The following FOXN3 variants were observed in gnomAD, a reference collection of about 807,000 sequenced individuals.
The protein encoded by FOXN3 is forkhead box protein N3.
Under a neutral mutation model 38.4 loss-of-function variants are expected in FOXN3, and 7 were observed. That is an observed-to-expected ratio of 0.18 (90% CI 0.10 to 0.34). The LOEUF (loss-of-function observed/expected upper bound fraction) is 0.34, where lower values mean the gene tolerates loss of function less well. Among genes scored for constraint, FOXN3 ranks in the 10% least tolerant of loss-of-function variants. The pLI is 1.00. For missense variants in FOXN3, 456 were observed against 613.4 expected (o/e 0.74, Z 2.71); for synonymous variants, 230 against 242.2 (o/e 0.95, Z 0.47).
At chr14:89,202,360 T>C (rs1390155766) in intron 4 of FOXN3, among the ~76,000 whole-genome samples, 2 of 152,254 alleles carry the variant, frequency 1.3e-5, no homozygotes. Flanking sequence ...TTCTACCATA[T>C]TGAATCACAC....
intron 1 of FOXN3, among the ~76,000 whole-genome samples, chr14:89,448,240 T>A (rs1043268663): frequency 6.6e-6 from 1 of 152,148 alleles, no homozygotes; most frequent in African/African-American, 2.4e-5. Flanking sequence ...TCCAAATGAA[T>A]GTATTGATCA....
chr14:89,191,396 C>T (rs1596090925), intron 4 of FOXN3, among the ~76,000 whole-genome samples: 1 of 152,194 alleles, frequency 6.6e-6, no homozygotes, highest in East Asian at 1.9e-4. Flanking sequence ...AAGCTGCCGC[C>T]TGTGCCCTGT....
chr14:89,214,327 G>A (rs1054399199), intron 4 of FOXN3, among the ~76,000 whole-genome samples: 1 of 152,210 alleles, frequency 6.6e-6, no homozygotes, highest in African/African-American at 2.4e-5. Context: ...CTAGAGACCA[G>A]GTCCCTGCCT....
At chr14:89,541,072 G>C (rs1299970493) in intron 1 of FOXN3, among the ~76,000 whole-genome samples, 1 of 152,132 alleles carries the variant, frequency 6.6e-6, no homozygotes, top group Non-Finnish European at 1.5e-5. Flanking sequence ...ATTTCAATTT[G>C]TACATTGTGT....
intron 4 of FOXN3, among the ~76,000 whole-genome samples, chr14:89,216,439 C>G (rs115719098): frequency 0.018 from 2,780 of 152,226 alleles, 84 homozygotes; most frequent in African/African-American, 0.063. Flanking sequence ...CTAAGCCACT[C>G]TCCCACAACC....
chr14:89,420,438 G>A (rs138102967), upstream of FOXN3, among the ~76,000 whole-genome samples: 1 of 152,172 alleles, frequency 6.6e-6, no homozygotes, highest in African/African-American at 2.4e-5. Flanking sequence ...TGGGGAAGGG[G>A]TGTTCTTGAC....
chr14:89,288,718 CTCTCTCTA>C (rs1886750571), intron 3 of FOXN3, among the ~76,000 whole-genome samples: 5 of 43,828 alleles, frequency 1.1e-4, no homozygotes, highest in South Asian at 7.1e-4. Context: ...CTCTCTCTCT[CTCTCTCTA>C]TATATATATA....
chr14:89,269,485 G>GT (rs56189442), intron 4 of FOXN3, among the ~76,000 whole-genome samples: 86,422 of 148,024 alleles, frequency 0.58, 25,031 homozygotes, highest in East Asian at 0.68. Context: ...GTTTTGTTTT[G>GT]TTTTTTTTTT....
intron 2 of FOXN3, among the ~76,000 whole-genome samples, chr14:89,385,499 T>TAAA (rs10681650): frequency 2.2e-4 from 24 of 108,812 alleles, no homozygotes; most frequent in African/African-American, 5.0e-4. Flanking sequence ...GGCAAACATT[T>TAAA]AAAAAAAAAA....
At chr14:89,371,933 C>G (rs1248235724) in intron 2 of FOXN3, among the ~76,000 whole-genome samples, 1 of 152,098 alleles carries the variant, frequency 6.6e-6, no homozygotes, top group Non-Finnish European at 1.5e-5. Flanking sequence ...TGGAAGTTCC[C>G]TGGGGGTAGC....
At chr14:89,174,590 C>G (rs757732155) in intron 5 of FOXN3, among the ~76,000 whole-genome samples, 8 of 152,098 alleles carry the variant, frequency 5.3e-5, no homozygotes, top group Non-Finnish European at 1.5e-5. Flanking sequence ...TGAAAAGGAG[C>G]CACCAGGACT....
chr14:89,578,385 CCT>C (rs1895676442), intron 1 of FOXN3, among the ~76,000 whole-genome samples: 1 of 152,012 alleles, frequency 6.6e-6, no homozygotes, highest in Admixed American at 6.6e-5. Flanking sequence ...TCTTCTACCC[CCT>C]CTCTCTGGAT....
chr14:89,397,467 C>T (rs1363484842), intron 2 of FOXN3, among the ~76,000 whole-genome samples: 1 of 151,312 alleles, frequency 6.6e-6, no homozygotes, highest in African/African-American at 2.4e-5. Flanking sequence ...AAAAGAATCC[C>T]TGCTGTGGAG....
At chr14:89,480,299 A>G (rs1037512454) in intron 1 of FOXN3, among the ~76,000 whole-genome samples, 3 of 152,068 alleles carry the variant, frequency 2.0e-5, no homozygotes, top group Non-Finnish European at 2.9e-5. Context: ...GCTACTCGGG[A>G]GGCTGAAGCA....
intron 4 of FOXN3, among the ~76,000 whole-genome samples, chr14:89,253,563 A>T (rs1885527874): frequency 1.3e-5 from 2 of 152,208 alleles, no homozygotes; most frequent in Non-Finnish European, 2.9e-5. Context: ...TTCTTAAGGG[A>T]AAAGTTTGGC....
intron 1 of FOXN3, among the ~76,000 whole-genome samples, chr14:89,599,882 C>T (rs113610025): frequency 2.6e-5 from 4 of 152,296 alleles, no homozygotes; most frequent in African/African-American, 9.6e-5. Context: ...CACCCTCAAG[C>T]CCATGAACTT....
intron 1 of FOXN3, among the ~76,000 whole-genome samples, chr14:89,501,340 ACTTCT>A (rs1893795573): frequency 1.3e-5 from 2 of 152,180 alleles, no homozygotes; most frequent in Admixed American, 1.3e-4. Flanking sequence ...TGGTTTGTTT[ACTTCT>A]CACACAGCAG....
At chr14:89,371,176 G>A (rs536627742) in intron 2 of FOXN3, among the ~76,000 whole-genome samples, 9 of 152,244 alleles carry the variant, frequency 5.9e-5, no homozygotes, top group Admixed American at 3.3e-4. Flanking sequence ...GAGAGGCTGC[G>A]AAGAGGCTCA....
intron 4 of FOXN3, among the ~76,000 whole-genome samples, chr14:89,276,558 A>T (rs571856703): frequency 1.3e-5 from 2 of 152,298 alleles, no homozygotes; most frequent in African/African-American, 4.8e-5. Flanking sequence ...CTTTTCCAAG[A>T]AGGGCTAGGA....
Sources: allele counts gnomAD v4.1 joint callset (sites outside exome capture counted in the v4.1 genomes callset), GRCh38; gene constraint gnomAD v4.1.1; transcripts MANE v1.5; gene names NCBI Gene and HGNC (gene_info 2026-07-23, HGNC 2026-07-21).